DLG2: variants seen among roughly 807,000 people sequenced by gnomAD.
DLG2 encodes discs large MAGUK scaffold protein 2, also known as disks large homolog 2.
Under a neutral mutation model 132.5 loss-of-function variants are expected in DLG2, and 45 were observed. The ratio of observed to expected loss-of-function variants is 0.34; its 90% CI spans 0.27 to 0.44. The LOEUF is 0.44. Among genes scored for constraint, DLG2 ranks in the 20% least tolerant of loss-of-function variants. The probability of loss-of-function intolerance (pLI) is 1.00; values close to 1 mark genes in which losing one functional copy is unlikely to be tolerated. For synonymous variants in DLG2, 424 were observed against 419.6 expected, an observed-to-expected ratio of 1.01 and a Z score of -0.13; for missense variants, 1,045 against 1,196.9, an observed-to-expected ratio of 0.87 and a Z score of 1.87.
chr11:85,169,761 G>T (rs1210306147), intron 4 of DLG2, among the ~76,000 whole-genome samples: 2 of 152,176 alleles, frequency 1.3e-5, no homozygotes, highest in Admixed American at 1.3e-4. Flanking sequence ...AAGCAATTAT[G>T]TTCCTTCTGG....
intron 19 of DLG2, chr11:83,632,550 T>G (rs2063748437): frequency 6.6e-6 from 1 of 152,232 alleles, no homozygotes; most frequent in Non-Finnish European, 1.5e-5. Flanking sequence ...CATGTTATAG[T>G]TGAGTGTTGA....
chr11:84,398,855 T>C (rs2098819817), intron 7 of DLG2, among the ~76,000 whole-genome samples: 1 of 152,202 alleles, frequency 6.6e-6, no homozygotes, highest in Non-Finnish European at 1.5e-5. Context: ...ATGTATTCTA[T>C]ACCCGGAATT....
At chr11:84,078,935 T>G (rs910164161) in intron 10 of DLG2, among the ~76,000 whole-genome samples, 4 of 152,206 alleles carry the variant, frequency 2.6e-5, no homozygotes, top group Admixed American at 6.5e-5. Context: ...AAAATGGAAC[T>G]ATTCAACATA....
rs549453907 is a variant in DLG2, at chr11:84,612,306, AT to A, written c.358-77576del. Among the ~76,000 whole-genome samples, 130 of 149,854 alleles carry A rather than the reference AT, an allele frequency of 8.7e-4. 2 individuals carry two copies. The highest frequency in any genetic ancestry group is 2.3e-3 in the African/African-American group (96 of 40,900). On this transcript the variant is annotated intron_variant, in intron 6 of 27. Transcript: ENST00000376104. Reference sequence around the variant, plus strand: ...TATTTCAATGTATGGAAGTGTCACAATTTTTTTTTTCAGTAGAACCTGTTGA... The same window carrying A: ...TATTTCAATGTATGGAAGTGTCACAATTTTTTTTTCAGTAGAACCTGTTGA...
intron 3 of DLG2, among the ~76,000 whole-genome samples, chr11:85,461,720 G>C (rs1332629761): frequency 2.0e-5 from 3 of 152,218 alleles, no homozygotes; most frequent in Non-Finnish European, 4.4e-5. Context: ...AACTGACAAA[G>C]GGAGATGTCA....
At chr11:83,558,721 G>C (rs976207752) in intron 19 of DLG2, among the ~76,000 whole-genome samples, 15 of 152,162 alleles carry the variant, frequency 9.9e-5, no homozygotes, top group South Asian at 4.1e-4. Flanking sequence ...CTCCCAGAGA[G>C]GAGGATCACA....
intron 4 of DLG2, among the ~76,000 whole-genome samples, chr11:85,222,704 A>G (rs2074729444): frequency 6.6e-6 from 1 of 152,218 alleles, no homozygotes; most frequent in African/African-American, 2.4e-5. Context: ...TTTGTTCTTG[A>G]GATAGAAAAT....
intron 19 of DLG2, among the ~76,000 whole-genome samples, chr11:83,574,520 T>C (rs1191416877): frequency 1.3e-5 from 2 of 152,202 alleles, no homozygotes; most frequent in African/African-American, 4.8e-5. Context: ...GATCTGATCA[T>C]TTCTCAAGTC....
intron 7 of DLG2, among the ~76,000 whole-genome samples, chr11:84,263,421 T>C (rs532716672): frequency 2.0e-5 from 3 of 152,198 alleles, no homozygotes; most frequent in Non-Finnish European, 4.4e-5. Context: ...CCTGTATGCC[T>C]TAGACAAGGC....
At position 84,885,268 on chromosome 11, in the gene DLG2, C is replaced by T. The variant is rs945893708; in HGVS notation, c.357+226393G>A. 2.6e-5 allele frequency among the ~76,000 whole-genome samples: 4 copies of T among 152,030 alleles called. No homozygotes were observed. The East Asian group carries it at 7.7e-4, about 29-fold the overall frequency. ...AATGTTTTGGTAACAATTTAATGAACCAGAATTTTTTAAGCATCTAATGAT... is the reference window on the plus strand; with the variant it reads ...AATGTTTTGGTAACAATTTAATGAATCAGAATTTTTTAAGCATCTAATGAT... On this transcript the variant is annotated intron_variant, in intron 6 of 27. Coordinates refer to ENST00000376104, the MANE Select transcript of DLG2 (RefSeq NM_001142699.3).
At chr11:84,851,778 G>C (rs987153089) in intron 6 of DLG2, among the ~76,000 whole-genome samples, 4 of 151,430 alleles carry the variant, frequency 2.6e-5, no homozygotes, top group Non-Finnish European at 5.9e-5. Context: ...TAACAGACAA[G>C]GTTTCTAGCT....
intron 4 of DLG2, among the ~76,000 whole-genome samples, chr11:85,225,195 A>G (rs751911706): frequency 1.3e-5 from 2 of 152,142 alleles, no homozygotes; most frequent in African/African-American, 2.4e-5. Flanking sequence ...AAAAAGCACA[A>G]GTTATTTATG....
At chr11:85,492,079 T>C (rs1272716990) in intron 3 of DLG2, among the ~76,000 whole-genome samples, 1 of 152,104 alleles carries the variant, frequency 6.6e-6, no homozygotes, top group African/African-American at 2.4e-5. Flanking sequence ...AACAATGTAA[T>C]ATATTCTTGA....
At chr11:83,983,322 A>G (rs1442162333) in intron 11 of DLG2, among the ~76,000 whole-genome samples, 1 of 152,104 alleles carries the variant, frequency 6.6e-6, no homozygotes, top group Non-Finnish European at 1.5e-5. Context: ...GACTACAGAC[A>G]TAATTTCTAT....
chr11:84,353,986 A>C (rs2098596849), intron 7 of DLG2, among the ~76,000 whole-genome samples: 1 of 152,272 alleles, frequency 6.6e-6, no homozygotes, highest in Admixed American at 6.5e-5. Flanking sequence ...CAAAATCATA[A>C]CCAAATAATT....
chr11:84,498,452 A>G (rs1043151273), intron 7 of DLG2, among the ~76,000 whole-genome samples: 4 of 152,098 alleles, frequency 2.6e-5, no homozygotes, highest in African/African-American at 9.7e-5. Flanking sequence ...CCCACCACCA[A>G]CAACAAAATT....
intron 6 of DLG2, among the ~76,000 whole-genome samples, chr11:84,620,658 T>A (rs2099612251): frequency 6.6e-6 from 1 of 152,060 alleles, no homozygotes; most frequent in African/African-American, 2.4e-5. Flanking sequence ...TCTGAAAATA[T>A]AAAGAAAGAA....
At chr11:84,293,687 TAAATAA>T (rs1220599495) in intron 7 of DLG2, among the ~76,000 whole-genome samples, 12 of 151,846 alleles carry the variant, frequency 7.9e-5, no homozygotes, top group Non-Finnish European at 1.8e-4. Context: ...AAAAAATAAA[TAAATAA>T]AAATAAAGAT....
chr11:84,574,372 A>AG (rs1175304670), intron 6 of DLG2, among the ~76,000 whole-genome samples: 2 of 152,132 alleles, frequency 1.3e-5, no homozygotes, highest in African/African-American at 4.8e-5. Flanking sequence ...GAAAAAAAAA[A>AG]AAACCTCTTA....
Sources: allele counts gnomAD v4.1 joint callset (sites outside exome capture counted in the v4.1 genomes callset), GRCh38; gene constraint gnomAD v4.1.1; transcripts MANE v1.5; gene names NCBI Gene and HGNC (gene_info 2026-07-23, HGNC 2026-07-21).